Variants in SNAPC4 observed in about 807,000 individuals in gnomAD.
SNAPC4 encodes snRNA-activating protein complex subunit 4.
In SNAPC4, 127 loss-of-function variants were observed where a neutral mutation model predicts 151.3. The ratio of observed to expected loss-of-function variants is 0.84; its 90% confidence interval spans 0.73 to 0.97. SNAPC4 has a LOEUF of 0.97. Ranked by LOEUF, SNAPC4 falls within the 50% of genes least tolerant of loss-of-function variation. The pLI is 0.00. For missense variants in SNAPC4, 2,186 were observed against 1,935.0 expected (o/e 1.13, Z -2.43); for synonymous variants, 1,002 against 824.4 (o/e 1.22, Z -3.69).
At position 136,377,743 on chromosome 9, in the gene SNAPC4, G is replaced by A. The variant is rs756316915; in HGVS notation, c.4084C>T (p.Leu1362Phe). 1.9e-6 allele frequency: 3 copies of A among 1,610,312 alleles called. No homozygotes were observed. Among genetic ancestry groups the A allele is most frequent in the Non-Finnish European group, 2.5e-6 (3 of 1,178,480 alleles). The change falls in exon 22 of 24, where the codon CTC becomes TTC. Residue 1362 changes from leucine to phenylalanine, a missense_variant. By Grantham distance (22) the Leu-to-Phe change is conservative. Transcript: ENST00000684778. The part of the protein sequence containing the change: ...RGQLQDNPAY[L>F]LLRARFLAAF... ...GCCAGGAACCGCGCCCGCAACAGGA[G>A]GTAGGCCGGGTTGTCCTGGAGCTGC...
At chr9:136,395,878 G>A (rs1834252676) in intron 3 of SNAPC4, 108 bp from the exon 4 acceptor site, 3 of 1,127,948 alleles carry the variant, frequency 2.7e-6, no homozygotes, top group Admixed American at 4.2e-5. Flanking sequence ...AGGCAGCTCT[G>A]GCATAGCAAC....
Position 136,387,557 on chromosome 9 carries a change from T to G in SNAPC4, c.1253A>C (p.Lys418Thr). The G allele has an allele frequency of 6.2e-7, 1 of 1,613,880 alleles. No individual in the cohort carries two copies. Among genetic ancestry groups the G allele is most frequent in the Non-Finnish European group, 8.5e-7 (1 of 1,179,904 alleles). ...TTTAAACCAATCCTGCTCCCCGTAT[T>G]TGGCAACAGCTTGAAGCAACTTCTG... is the stretch of plus-strand genomic sequence containing the variant. ...EDAKLLQAVA[K>T]YGEQDWFKIR... is the part of the protein sequence containing the mutation. Residue 418 changes from lysine (K) to threonine (T), a missense_variant, in exon 13 of 24, where the codon AAA becomes ACA. Coordinates refer to ENST00000684778, the MANE Select transcript of SNAPC4 (RefSeq NM_003086.4).
chr9:136,380,007 T>C, intron 20 of SNAPC4, 143 bp from the exon 21 acceptor site: 1 of 1,432,702 alleles, frequency 7.0e-7, no homozygotes. Flanking sequence ...CACACGCCTC[T>C]GTAGGAACTC....
At chr9:136,377,317 G>A (rs1208919542) in intron 22 of SNAPC4, among the ~76,000 whole-genome samples, 2 of 152,210 alleles carry the variant, frequency 1.3e-5, no homozygotes, top group African/African-American at 4.8e-5. Flanking sequence ...ACGAGAATGA[G>A]GCCTCTCTTC....
intron 22 of SNAPC4, among the ~76,000 whole-genome samples, 187 bp downstream of exon 22, chr9:136,377,356 G>C (rs1191859807): frequency 6.6e-6 from 1 of 152,132 alleles, no homozygotes; most frequent in Admixed American, 6.5e-5. Context: ...CCCAAAGGGA[G>C]GCCACTTCTG....
At chr9:136,381,178 G>A (rs1272236143) in intron 19 of SNAPC4, 144 bp downstream of exon 19, 5 of 726,042 alleles carry the variant, frequency 6.9e-6, no homozygotes, top group African/African-American at 5.3e-5. Context: ...CTTGCTAACA[G>A]TGTAAGGCAT....
At chr9:136,380,939 T>G in intron 19 of SNAPC4, 89 bp from the exon 20 acceptor site, 1 of 763,142 alleles carries the variant, frequency 1.3e-6, no homozygotes, top group Non-Finnish European at 2.3e-6. Context: ...GGGGCAGCCC[T>G]GAGGCTGGGG....
intron 1 of SNAPC4, among the ~76,000 whole-genome samples, chr9:136,399,058 A>C (rs1379533139): frequency 1.3e-5 from 2 of 152,256 alleles, no homozygotes; most frequent in East Asian, 3.8e-4. Context: ...ATGTTTGTCA[A>C]GCTTTTTTCT....
rs1834346385 is a variant in SNAPC4 at position 136,398,395 on chromosome 9, G to A, written c.34C>T (p.Gln12Ter). 9 of 1,613,774 alleles carry A rather than the reference G, an allele frequency of 5.6e-6. No homozygotes were observed. The highest frequency in any genetic ancestry group is 1.1e-5 in the South Asian group (1 of 91,090). ...DVDAEREKIT[Q>*]EIKELERILD... ...ATCCTTTCCAGCTCCTTGATCTCCT[G>A]TGTTATCTTCTCTCTTTCAGCATCT... is the stretch of plus-strand genomic sequence containing the variant. The change falls in exon 2 of 24, where the codon CAG becomes TAG. Residue 12 changes from glutamine (Q) to a stop codon, truncating the protein, a stop_gained. Coordinates refer to ENST00000684778, the MANE Select transcript of SNAPC4 (RefSeq NM_003086.4). LOFTEE classifies it high-confidence loss of function.
rs770036705 is a variant in SNAPC4 at position 136,383,221 on chromosome 9, T to A, written c.1948A>T (p.Thr650Ser). The change falls in exon 16 of 24, where the codon ACT (threonine) becomes TCT (serine). Residue 650 changes from threonine (T) to serine (S), a missense_variant. Physicochemically the swap from Thr to Ser is moderately conservative, Grantham distance 58 (BLOSUM62 1). Transcript: ENST00000684778. The surrounding 1 kb of genome is among the most constrained non-coding windows in gnomAD (Gnocchi z 4.2). ...TGCTTCTCTGCGCCCGCCGGGCGAG[T>A]GTCTGCTGAGTGGGAGGCCTGGGCA... Reference protein sequence around the residue: ...RSAQASHSADTRPAGAEKQAL... With the variant: ...RSAQASHSADSRPAGAEKQAL... The A allele has an allele frequency of 1.3e-6, 2 of 1,565,432 alleles. No individual in the cohort carries two copies. Among genetic ancestry groups the A allele is most frequent in the African/African-American group, 1.4e-5 (1 of 72,878 alleles).
At chr9:136,392,868 C>T (rs928154343) in intron 7 of SNAPC4, 91 bp from the exon 8 acceptor site, 2 of 1,052,480 alleles carry the variant, frequency 1.9e-6, no homozygotes, top group Admixed American at 2.0e-5. Context: ...GGAGTGTGAG[C>T]TCAGCAGAGA....
intron 5 of SNAPC4, 117 bp downstream of exon 5, chr9:136,395,181 G>T: frequency 1.5e-6 from 2 of 1,316,338 alleles, no homozygotes; most frequent in Non-Finnish European, 2.1e-6. Context: ...GAAGGAGGTT[G>T]GCCAATGTTA....
At chr9:136,376,944 G>A (rs74588921) in intron 22 of SNAPC4, among the ~76,000 whole-genome samples, 1 of 152,162 alleles carries the variant, frequency 6.6e-6, no homozygotes, top group Non-Finnish European at 1.5e-5. Context: ...TGCTTCTGGT[G>A]GTTTCTCAGG....
chr9:136,389,346 C>T (rs748128498), intron 10 of SNAPC4, among the ~76,000 whole-genome samples: 4 of 151,908 alleles, frequency 2.6e-5, no homozygotes, highest in Admixed American at 6.6e-5. Context: ...TGGCAGAGGG[C>T]GCGTGGGGCT....
Position 136,380,854 on chromosome 9 carries a change from C to G in SNAPC4, c.2389-4G>C. ...CGGCAGTATCGATGTGGAACAGCTG[C>G]GGGACACAGGAGGCAACCTAACCAT... is the stretch of plus-strand genomic sequence containing the variant. On this transcript the variant is annotated splice_region_variant and splice_polypyrimidine_tract_variant and intron_variant, in intron 19 of 23. Coordinates refer to ENST00000684778, the MANE Select transcript of SNAPC4 (RefSeq NM_003086.4). 4 of 1,561,208 alleles carry G rather than the reference C, an allele frequency of 2.6e-6. No individual in the cohort carries two copies. Among genetic ancestry groups the G allele is most frequent in the Non-Finnish European group, 3.5e-6 (4 of 1,132,704 alleles).
chr9:136,379,108 C>T lies in SNAPC4; in HGVS notation c.2719G>A (p.Ala907Thr), dbSNP rs1833591522. The change falls in exon 22 of 24, where the codon GCC (alanine) becomes ACC (threonine). Residue 907 changes from alanine (A) to threonine (T), a missense_variant. Physicochemically the swap from Ala to Thr is moderately conservative, Grantham distance 58. Coordinates refer to ENST00000684778, the MANE Select transcript of SNAPC4 (RefSeq NM_003086.4). Reference sequence around the variant, plus strand: ...ACCGGGCCCCGGGTGGCCTCCCTGGCACGGGCCTCCTGAAGCCGCTTCTCC... The same window carrying T: ...ACCGGGCCCCGGGTGGCCTCCCTGGTACGGGCCTCCTGAAGCCGCTTCTCC... ...LQEKRLQEAR[A>T]REATRGPVVL... 1.3e-6 allele frequency: 2 copies of T among 1,561,422 alleles called. No individual in the cohort carries two copies. Among genetic ancestry groups the T allele is most frequent in the Admixed American group, 2.0e-5 (1 of 51,214 alleles).
intron 20 of SNAPC4, among the ~76,000 whole-genome samples, chr9:136,380,432 G>C (rs1260979642): frequency 6.6e-6 from 1 of 152,234 alleles, no homozygotes; most frequent in African/African-American, 2.4e-5. Flanking sequence ...CTGAACTTCT[G>C]TGAGTTTGGT....
Position 136,392,791 on chromosome 9 carries a change from C to G in SNAPC4, c.633-14G>C, listed in dbSNP as rs1834126812. 2.5e-6 allele frequency: 4 copies of G among 1,611,558 alleles called. No homozygotes were observed. The highest frequency in any genetic ancestry group is 1.7e-5 in the Admixed American group (1 of 59,984). On this transcript the variant is annotated splice_polypyrimidine_tract_variant and intron_variant, in intron 7 of 23. Coordinates refer to ENST00000684778, the MANE Select transcript of SNAPC4 (RefSeq NM_003086.4). ...AAGTACTCGAGCCTGCAAAGCAGAG[C>G]AGAGGCAGAAGGGCTGGGGCACGAG...
chr9:136,378,166 T>A lies in SNAPC4; in HGVS notation c.3661A>T (p.Thr1221Ser). The change falls in exon 22 of 24, where the codon ACG (threonine) becomes TCG (serine). Residue 1221 changes from threonine (T) to serine (S), a missense_variant. Thr to Ser is a moderately conservative substitution (Grantham distance 58). Coordinates refer to ENST00000684778, the MANE Select transcript of SNAPC4 (RefSeq NM_003086.4). ...TGTGTCCCTGAGGGGGACCCCGGCG[T>A]CCCCCTTGGCTCAGTTGCTGGGATG... Reference protein sequence around the residue: ...GVIPATEPRGTPGSPSGTQEP... With the variant: ...GVIPATEPRGSPGSPSGTQEP... The A allele has an allele frequency of 6.2e-7, 1 of 1,611,124 alleles. No homozygotes were observed. Among genetic ancestry groups the A allele is most frequent in the Non-Finnish European group, 8.5e-7 (1 of 1,179,474 alleles).
Sources: gnomAD v4.1 joint callset for allele counts (sites outside exome capture counted in the v4.1 genomes callset) on GRCh38, gnomAD v4.1.1 for gene constraint, Gnocchi (gnomAD v3.1) non-coding constraint, MANE v1.5 for transcripts, NCBI Gene and HGNC (gene_info 2026-07-23, HGNC 2026-07-21) for gene names.